NWD2: variants seen among roughly 807,000 people sequenced by gnomAD.
The protein encoded by NWD2 is NACHT and WD repeat domain-containing protein 2.
NWD2 carries 37 observed loss-of-function variants against 132.7 expected under a neutral mutation model. The observed-to-expected ratio is 0.28, with a 90% confidence interval of 0.21 to 0.37. The LOEUF is 0.37. NWD2 is among the 10% of genes least tolerant of loss of function. The pLI, the probability that NWD2 is intolerant of heterozygous loss-of-function variation, is 1.00. For synonymous variants in NWD2, 705 were observed against 803.0 expected (o/e 0.88, Z 2.06); for missense variants, 1,592 against 2,122.4 (o/e 0.75, Z 4.91).
At chr4:37,371,220 G>C (rs1253135949) in intron 3 of NWD2, among the ~76,000 whole-genome samples, 1 of 151,534 alleles carries the variant, frequency 6.6e-6, no homozygotes, top group Non-Finnish European at 1.5e-5. Context: ...TGGGACTACA[G>C]GTGTGCACCA....
At chr4:37,272,086 C>T (rs778779260) in intron 1 of NWD2, among the ~76,000 whole-genome samples, 2 of 151,852 alleles carry the variant, frequency 1.3e-5, no homozygotes, top group Non-Finnish European at 3.0e-5. Context: ...TTGATTCTGT[C>T]ACTGCAGTGA....
intron 3 of NWD2, among the ~76,000 whole-genome samples, chr4:37,399,278 G>C (rs1364444808): frequency 6.6e-6 from 1 of 152,184 alleles, no homozygotes; most frequent in Non-Finnish European, 1.5e-5. Flanking sequence ...TGAGGCAGTG[G>C]ACCTCACTTT....
In NWD2 at chr4:37,444,392, G is replaced by C; in HGVS notation, c.2404G>C (p.Glu802Gln). ...SLLEEEKHFMEQASFDRQAPD... is the reference protein window; with the variant it reads ...SLLEEEKHFMQQASFDRQAPD... ...GCTGGAGGAAGAAAAGCACTTCATG[G>C]AACAGGCTTCCTTTGACAGGCAGGC... The change falls in exon 7 of 7, where the codon GAA becomes CAA. Residue 802 changes from glutamate to glutamine, a missense_variant. Glu to Gln is a conservative substitution (Grantham distance 29). Transcript: ENST00000309447. The surrounding 1 kb of genome is among the most constrained non-coding windows in gnomAD (Gnocchi z 4.8). 3 of 1,552,154 alleles carry C rather than the reference G, an allele frequency of 1.9e-6. No individual in the cohort carries two copies. Among genetic ancestry groups the C allele is most frequent in the Non-Finnish European group, 2.6e-6 (3 of 1,147,118 alleles).
At chr4:37,393,792 T>A (rs1309555404) in intron 3 of NWD2, among the ~76,000 whole-genome samples, 4 of 152,196 alleles carry the variant, frequency 2.6e-5, no homozygotes, top group Admixed American at 1.3e-4. Context: ...CTCTCTCCTC[T>A]CAGAACTTTC....
At chr4:37,324,957 T>A (rs1719140756) in intron 1 of NWD2, among the ~76,000 whole-genome samples, 1 of 152,218 alleles carries the variant, frequency 6.6e-6, no homozygotes, top group South Asian at 2.1e-4. Flanking sequence ...GGTATGCAGA[T>A]GTTTCATAGT....
At chr4:37,253,852 A>T (rs1482394271) in intron 1 of NWD2, among the ~76,000 whole-genome samples, 1 of 152,250 alleles carries the variant, frequency 6.6e-6, no homozygotes, top group Admixed American at 6.5e-5. Context: ...AAAATGGCAA[A>T]TGATGATTCT....
intron 1 of NWD2, among the ~76,000 whole-genome samples, chr4:37,279,240 C>T (rs190629554): frequency 6.6e-6 from 1 of 152,066 alleles, no homozygotes; most frequent in African/African-American, 2.4e-5. Context: ...CCAAAATAAA[C>T]AGATAATGAA....
At chr4:37,417,736 G>A (rs1711666796) in intron 3 of NWD2, among the ~76,000 whole-genome samples, 1 of 152,134 alleles carries the variant, frequency 6.6e-6, no homozygotes, top group Non-Finnish European at 1.5e-5. Flanking sequence ...GAACAATTAA[G>A]TAATTGGCAG....
chr4:37,372,906 C>T (rs1188793921), intron 3 of NWD2, among the ~76,000 whole-genome samples: 5 of 152,166 alleles, frequency 3.3e-5, no homozygotes, highest in South Asian at 2.1e-4. Flanking sequence ...ATTTTGAATG[C>T]CCTCTGACTG....
chr4:37,440,164 G>A (rs1208938909), intron 6 of NWD2, among the ~76,000 whole-genome samples: 2 of 152,122 alleles, frequency 1.3e-5, no homozygotes, highest in African/African-American at 4.8e-5. Context: ...ACAGGGGAAT[G>A]CATCTTTTTT....
chr4:37,295,667 C>T (rs1718475496), intron 1 of NWD2, among the ~76,000 whole-genome samples: 2 of 152,180 alleles, frequency 1.3e-5, no homozygotes, highest in Admixed American at 1.3e-4. Flanking sequence ...ATAACTTCGT[C>T]TCCTACCCTG....
In NWD2 at chr4:37,371,072, C is replaced by CTTTTTTT. The variant is rs1309185055; in HGVS notation, c.357+14595_357+14596insTTTTTTT. On this transcript the variant is annotated intron_variant, in intron 3 of 6. Transcript: ENST00000309447. The stretch of plus-strand genomic sequence containing the variant: ...TGCCAAAGAAGTTCAATTTTTTTTT[C>CTTTTTTT]TTTTTCTTTTTTTTTTTTTTTTTGA... Among the ~76,000 whole-genome samples, 12 of 100,522 alleles carry CTTTTTTT rather than the reference C, an allele frequency of 1.2e-4. 1 individual carries two copies. Among genetic ancestry groups the CTTTTTTT allele is most frequent in the African/African-American group, 1.6e-4 (4 of 25,496 alleles). 65.9% of individuals were successfully genotyped at this position (100,522 alleles called of 152,430 possible).
intron 3 of NWD2, among the ~76,000 whole-genome samples, chr4:37,421,454 A>G (rs967141028): frequency 6.6e-5 from 10 of 152,232 alleles, no homozygotes; most frequent in Non-Finnish European, 1.3e-4. Flanking sequence ...ACTTCCTTAC[A>G]GGCAAAAGCA....
At chr4:37,314,462 T>G (rs1000052435) in intron 1 of NWD2, among the ~76,000 whole-genome samples, 1 of 152,230 alleles carries the variant, frequency 6.6e-6, no homozygotes, top group Non-Finnish European at 1.5e-5. Flanking sequence ...ACAGATATAT[T>G]CAGATTATCT....
chr4:37,273,611 A>G (rs1717922685), intron 1 of NWD2, among the ~76,000 whole-genome samples: 1 of 152,186 alleles, frequency 6.6e-6, no homozygotes, highest in Non-Finnish European at 1.5e-5. Flanking sequence ...TCTCCATCCC[A>G]AATCAACAGA....
At chr4:37,396,742 G>A (rs185632585) in intron 3 of NWD2, among the ~76,000 whole-genome samples, 9 of 152,190 alleles carry the variant, frequency 5.9e-5, no homozygotes, top group Admixed American at 2.0e-4. Context: ...AAAGTAAAAA[G>A]CAAAGCGAGG....
At chr4:37,357,291 C>T (rs532701221) in intron 3 of NWD2, among the ~76,000 whole-genome samples, 1 of 152,152 alleles carries the variant, frequency 6.6e-6, no homozygotes, top group South Asian at 2.1e-4. Flanking sequence ...AAAAATCACA[C>T]CGTACTGTTA....
Position 37,444,179 on chromosome 4 carries a change from G to C in NWD2, c.2191G>C (p.Val731Leu). ...ERHVKNVTLL[V>L]WANRHLQLIA... ...ACATGTGAAAAATGTCACACTCCTA[G>C]TCTGGGCCAACAGACACCTGCAGCT... Residue 731 changes from valine to leucine, a missense_variant, in exon 7 of 7, where the codon GTC becomes CTC. By Grantham distance (32) the Val-to-Leu change is conservative (BLOSUM62 1). Transcript: ENST00000309447. The surrounding 1 kb of genome is among the most constrained non-coding windows in gnomAD (Gnocchi z 4.8). 6.4e-7 allele frequency: 1 copy of C among 1,551,670 alleles called. No homozygotes were observed. The highest frequency in any genetic ancestry group is 8.7e-7 in the Non-Finnish European group (1 of 1,146,978).
chr4:37,294,869 A>G (rs1209967338), intron 1 of NWD2, among the ~76,000 whole-genome samples: 1 of 152,252 alleles, frequency 6.6e-6, no homozygotes, highest in African/African-American at 2.4e-5. Flanking sequence ...AAAGAAACAC[A>G]GAACCACAGA....
Sources: allele counts gnomAD v4.1 joint callset (sites outside exome capture counted in the v4.1 genomes callset), GRCh38; gene constraint gnomAD v4.1.1; non-coding constraint Gnocchi (gnomAD v3.1); transcripts MANE v1.5; gene names NCBI Gene and HGNC (gene_info 2026-07-23, HGNC 2026-07-21).